The following RIMBP2 variants were observed in gnomAD, a reference collection of about 807,000 sequenced individuals.
RIMBP2 encodes the protein RIMS binding protein 2.
RIMBP2 carries 48 observed loss-of-function variants against 118.6 expected under a neutral mutation model. That is an observed-to-expected ratio of 0.40 (90% CI 0.32 to 0.51). The LOEUF is 0.51. RIMBP2 is among the 20% of genes least tolerant of loss of function. The probability of loss-of-function intolerance (pLI) is 0.41; values close to 1 mark genes in which losing one functional copy is unlikely to be tolerated. For missense variants in RIMBP2, 1,551 were observed against 1,768.3 expected, an observed-to-expected ratio of 0.88 and a Z score of 2.20; for synonymous variants, 762 against 742.9, an observed-to-expected ratio of 1.03 and a Z score of -0.42.
intron 1 of RIMBP2, among the ~76,000 whole-genome samples, chr12:130,711,030 G>T (rs1006045430): frequency 6.6e-6 from 1 of 152,214 alleles, no homozygotes; most frequent in Non-Finnish European, 1.5e-5. Context: ...ATCGCCTGAG[G>T]TCAGGAGTTC....
At chr12:130,538,264 C>A (rs2054249604) in intron 2 of RIMBP2, among the ~76,000 whole-genome samples, 1 of 151,898 alleles carries the variant, frequency 6.6e-6, no homozygotes, top group African/African-American at 2.4e-5. Context: ...ATTCTTCTTT[C>A]TATATATTCT....
intron 1 of RIMBP2, among the ~76,000 whole-genome samples, chr12:130,662,288 TCTC>T (rs1344556031): frequency 6.6e-6 from 1 of 152,052 alleles, no homozygotes; most frequent in Non-Finnish European, 1.5e-5. Flanking sequence ...GAGTCTCGCG[TCTC>T]CTCCTTGGCC....
chr12:130,644,172 CG>C (rs2062747222), intron 1 of RIMBP2, among the ~76,000 whole-genome samples: 1 of 152,084 alleles, frequency 6.6e-6, no homozygotes, highest in African/African-American at 2.4e-5. Context: ...CCCATTGAGA[CG>C]AAGGAAAGGA....
chr12:130,605,752 T>C (rs1203428167), intron 2 of RIMBP2, among the ~76,000 whole-genome samples: 1 of 152,180 alleles, frequency 6.6e-6, no homozygotes, highest in African/African-American at 2.4e-5. Flanking sequence ...AGGTATGCTT[T>C]CAATTTTTCA....
chr12:130,421,362 G>A (rs2076393156), intron 17 of RIMBP2, among the ~76,000 whole-genome samples: 1 of 152,124 alleles, frequency 6.6e-6, no homozygotes, highest in African/African-American at 2.4e-5. Context: ...CTTTAACATT[G>A]CATGAAATTT....
Position 130,414,182 on chromosome 12 carries a change from G to A in RIMBP2, c.3363C>T (p.Ser1121=), listed in dbSNP as rs763798636. The change falls in exon 18 of 23, where the codon TCC becomes TCT. Residue 1121 remains serine (S), a synonymous_variant. Coordinates refer to ENST00000690449, the MANE Select transcript of RIMBP2 (RefSeq NM_001393629.1). ...ALFDYDPLTM[S]PNPDAAEEEL... ...CCTCCTCTGCAGCATCTGGGTTTGG[G>A]GACATGGTGAGCGGGTCGTAGTCAA... is the stretch of plus-strand genomic sequence containing the variant. 6 of 1,614,228 alleles carry A rather than the reference G, an allele frequency of 3.7e-6. No individual in the cohort carries two copies. In the South Asian group the frequency reaches 4.4e-5, roughly 12 times the overall value.
intron 21 of RIMBP2, among the ~76,000 whole-genome samples, chr12:130,404,460 G>A (rs1325382677): frequency 6.6e-6 from 1 of 152,044 alleles, no homozygotes; most frequent in Non-Finnish European, 1.5e-5. Context: ...ACCACGCCCG[G>A]CTAATTCTTT....
intron 1 of RIMBP2, among the ~76,000 whole-genome samples, chr12:130,692,331 C>A (rs1416257546): frequency 2.6e-5 from 4 of 152,188 alleles, no homozygotes; most frequent in South Asian, 4.1e-4. Context: ...ATCCTCTCCC[C>A]TACCCCTTCC....
At chr12:130,568,841 T>C (rs1483185505) in intron 2 of RIMBP2, among the ~76,000 whole-genome samples, 1 of 152,208 alleles carries the variant, frequency 6.6e-6, no homozygotes, top group Non-Finnish European at 1.5e-5. Context: ...AGAGGGCATC[T>C]GCTGAGTAGG....
chr12:130,557,071 G>A lies in RIMBP2; in HGVS notation c.-216-39154C>T, dbSNP rs74876044. ...CTTAGCAGATGTGAGGAGTTAAGAT[G>A]AGGTCATACTGGAGTAGAGCAGACC... On this transcript the variant is annotated intron_variant, in intron 2 of 22. Transcript: ENST00000690449. 7.7e-3 allele frequency among the ~76,000 whole-genome samples: 1,167 copies of A among 152,284 alleles called. 55 individuals are homozygous for A. Among genetic ancestry groups the A allele is most frequent in the Admixed American group, 0.065 (988 of 15,296 alleles).
At chr12:130,596,927 T>G (rs1229007466) in intron 2 of RIMBP2, among the ~76,000 whole-genome samples, 1 of 152,382 alleles carries the variant, frequency 6.6e-6, no homozygotes, top group African/African-American at 2.4e-5. Flanking sequence ...TGGCTCCATG[T>G]TTATTAAAGA....
At chr12:130,672,555 G>A (rs1168173480) in intron 1 of RIMBP2, among the ~76,000 whole-genome samples, 1 of 152,172 alleles carries the variant, frequency 6.6e-6, no homozygotes, top group Non-Finnish European at 1.5e-5. Flanking sequence ...GCATCTCTAT[G>A]TGCAGATGAG....
In RIMBP2 at chr12:130,397,525, C is replaced by A; in HGVS notation, c.3925G>T (p.Ala1309Ser). Residue 1309 changes from alanine to serine, a missense_variant, in exon 23 of 23, where the codon GCA becomes TCA. By Grantham distance (99) the Ala-to-Ser change is moderately conservative. Around this residue, in one of 5 missense-constraint regions of RIMBP2, gnomAD observed 1,038 missense variants for 1,125.1 expected, o/e 0.92. Coordinates refer to ENST00000690449, the MANE Select transcript of RIMBP2 (RefSeq NM_001393629.1). ...ACTGTGGGGGATGGAGCTCTCCTTGCTGTACCTGAACCCTCAGGAGGAACC... is the reference window on the plus strand; with the variant it reads ...ACTGTGGGGGATGGAGCTCTCCTTGATGTACCTGAACCCTCAGGAGGAACC... ...KRVPPEGSGT[A>S]RRAPSPTVHL... is the part of the protein sequence containing the mutation. 1 of 399,050 alleles carries A rather than the reference C, an allele frequency of 2.5e-6. No homozygotes were observed. Among genetic ancestry groups the A allele is most frequent in the Non-Finnish European group, 4.4e-6 (1 of 226,090 alleles). The allele number at this position is 399,050 out of a possible 1,614,324, so 24.7% of individuals were successfully genotyped here. A position where few individuals can be genotyped will look rare whatever the true frequency, so the allele number is the denominator to read the frequency against.
At chr12:130,657,057 C>A (rs76333011) in intron 1 of RIMBP2, among the ~76,000 whole-genome samples, 2 of 152,198 alleles carry the variant, frequency 1.3e-5, no homozygotes, top group Admixed American at 1.3e-4. Context: ...ACCATGCCTA[C>A]TATTTTTTTA....
At position 130,446,025 on chromosome 12, in the gene RIMBP2, C is replaced by CG. The variant is rs1555253098; in HGVS notation, c.582-757_582-756insC. Among the ~76,000 whole-genome samples the CG allele has an allele frequency of 6.7e-6, 1 of 149,772 alleles. No individual in the cohort carries two copies. Among genetic ancestry groups the CG allele is most frequent in the Non-Finnish European group, 1.5e-5 (1 of 66,956 alleles). ...CAGACGCATGATTTTATGCTCCCCC[C>CG]CCCCACACCCCCAGGAATATAAGAG... On this transcript the variant is annotated intron_variant, in intron 9 of 22. Coordinates refer to ENST00000690449, the MANE Select transcript of RIMBP2 (RefSeq NM_001393629.1). This position sits in a 1 kb window ranked among gnomAD's most constrained non-coding sequence, Gnocchi z 4.1.
At chr12:130,705,738 G>A (rs149466370) in intron 1 of RIMBP2, among the ~76,000 whole-genome samples, 5 of 152,236 alleles carry the variant, frequency 3.3e-5, no homozygotes, top group African/African-American at 1.2e-4. Context: ...CTGCAAAAAC[G>A]TCCCAACACA....
At chr12:130,510,450 G>A (rs1048574267) in intron 3 of RIMBP2, among the ~76,000 whole-genome samples, 4 of 151,884 alleles carry the variant, frequency 2.6e-5, no homozygotes, top group East Asian at 3.9e-4. Flanking sequence ...GGAGGACCTC[G>A]GGGCAAGCCA....
At chr12:130,439,841 A>ATGTGTGTGTGTATCTG (rs1180293142) in intron 11 of RIMBP2, among the ~76,000 whole-genome samples, 1 of 62,890 alleles carries the variant, frequency 1.6e-5, no homozygotes, top group African/African-American at 6.8e-5. Flanking sequence ...GTGTATGTGT[A>ATGTGTGTGTGTATCTG]TCTGTGAGTC....
intron 1 of RIMBP2, among the ~76,000 whole-genome samples, chr12:130,634,524 G>A (rs540516628): frequency 2.3e-4 from 35 of 152,046 alleles, no homozygotes; most frequent in Non-Finnish European, 3.5e-4. Flanking sequence ...CACGTCACAA[G>A]CCACATGCTG....
Sources: gnomAD v4.1 joint callset for allele counts (sites outside exome capture counted in the v4.1 genomes callset) on GRCh38, gnomAD v4.1.1 for gene constraint, gnomAD v4.1.1 regional missense constraint, Gnocchi (gnomAD v3.1) non-coding constraint, MANE v1.5 for transcripts, NCBI Gene and HGNC (gene_info 2026-07-23, HGNC 2026-07-21) for gene names.